Variants in IQUB observed in about 807,000 individuals in gnomAD.
IQUB encodes IQ motif and ubiquitin-like domain-containing protein.
In IQUB, 86 loss-of-function variants were observed where a neutral mutation model predicts 86.4. That is an observed-to-expected ratio of 1.00 (90% CI 0.84 to 1.19). The LOEUF (loss-of-function observed/expected upper bound fraction) is 1.19. IQUB is among the 50% of genes most tolerant of loss of function. IQUB has a pLI of 0.00. For missense variants in IQUB, 946 were observed against 916.9 expected (o/e 1.03, Z -0.41); for synonymous variants, 289 against 304.5 (o/e 0.95, Z 0.53).
chr7:123,484,931 T>C (rs925385818), intron 7 of IQUB, among the ~76,000 whole-genome samples: 6 of 151,964 alleles, frequency 3.9e-5, no homozygotes, highest in Non-Finnish European at 7.4e-5. Context: ...TAACAAAGAA[T>C]AGAAAAACAG....
rs145053779 is a variant in IQUB, at chr7:123,491,003, C to T, written c.1234+5693G>A. 2.8e-3 allele frequency among the ~76,000 whole-genome samples: 421 copies of T among 151,290 alleles called. 2 individuals carry two copies. Among genetic ancestry groups the T allele is most frequent in the African/African-American group, 9.6e-3 (397 of 41,358 alleles). On this transcript the variant is annotated intron_variant, in intron 7 of 12. Coordinates refer to ENST00000324698, the MANE Select transcript of IQUB (RefSeq NM_178827.5). ...AACAAACAAACCTCAAACCTCAAAC[C>T]TCAAATTATACAAAATTACATTCTC... is the stretch of plus-strand genomic sequence containing the variant.
chr7:123,457,766 C>T (rs776173048), intron 11 of IQUB, among the ~76,000 whole-genome samples, 200 bp from the exon 12 acceptor site: 50 of 151,926 alleles, frequency 3.3e-4, no homozygotes, highest in Non-Finnish European at 6.3e-4. Context: ...ACAGTTGCGT[C>T]CCCATCTCTA....
Position 123,503,214 on chromosome 7 carries a change from T to C in IQUB, c.682A>G (p.Thr228Ala), listed in dbSNP as rs1360055178. 2 of 1,611,494 alleles carry C rather than the reference T, an allele frequency of 1.2e-6. No homozygotes were observed. The highest frequency in any genetic ancestry group is 1.3e-5 in the African/African-American group (1 of 74,904). The change falls in exon 4 of 13, where the codon ACT (threonine) becomes GCT (alanine). Residue 228 changes from threonine to alanine, a missense_variant. Thr to Ala is a moderately conservative substitution (Grantham distance 58, BLOSUM62 0). Coordinates refer to ENST00000324698, the MANE Select transcript of IQUB (RefSeq NM_178827.5). ...LTDVSQIITV[T>A]VQTGLDQYQQ... ...TCAAATAACGAACCAGTTTGGACAG[T>C]GACAGTTATGATTTGAGAGACATCA...
intron 1 of IQUB, among the ~76,000 whole-genome samples, chr7:123,518,973 A>G (rs1796779929): frequency 6.7e-6 from 1 of 148,406 alleles, no homozygotes; most frequent in Non-Finnish European, 1.5e-5. Flanking sequence ...CATACCTCAA[A>G]TACCCCCTAA....
chr7:123,481,183 C>T (rs559593752), intron 7 of IQUB, among the ~76,000 whole-genome samples: 11 of 152,168 alleles, frequency 7.2e-5, no homozygotes, highest in Admixed American at 1.3e-4. Flanking sequence ...GGCAACACGG[C>T]GTCAGTTTGT....
chr7:123,505,955 C>A (rs1423431783), intron 3 of IQUB, among the ~76,000 whole-genome samples: 1 of 152,126 alleles, frequency 6.6e-6, no homozygotes, highest in Non-Finnish European at 1.5e-5. Context: ...CACATATGAC[C>A]ATATACTGTT....
In IQUB at chr7:123,523,816, G is replaced by C. The variant is rs896360857; in HGVS notation, c.-5+10676C>G. 6.2e-3 allele frequency among the ~76,000 whole-genome samples: 940 copies of C among 152,138 alleles called. 8 individuals are homozygous for C. Among genetic ancestry groups the C allele is most frequent in the African/African-American group, 0.021 (871 of 41,502 alleles). ...TGAATGGTAATGCCTAGGTTTTCTT[G>C]TAGGGTTTTTATGGTTTTAGGTCTA... is the stretch of plus-strand genomic sequence containing the variant. On this transcript the variant is annotated intron_variant, in intron 1 of 12. Coordinates refer to ENST00000324698, the MANE Select transcript of IQUB (RefSeq NM_178827.5).
At chr7:123,460,542 C>A (rs2116961815) in intron 11 of IQUB, among the ~76,000 whole-genome samples, 1 of 151,772 alleles carries the variant, frequency 6.6e-6, no homozygotes, top group Admixed American at 6.6e-5. Flanking sequence ...AGTCTGTGAA[C>A]ACAAATATCA....
chr7:123,526,776 G>A (rs1172968152), intron 1 of IQUB, among the ~76,000 whole-genome samples: 4 of 151,720 alleles, frequency 2.6e-5, no homozygotes, highest in Non-Finnish European at 2.9e-5. Context: ...ATTAGTTGAT[G>A]CAGTTTCTTC....
chr7:123,524,620 T>C (rs1388761676), intron 1 of IQUB, among the ~76,000 whole-genome samples: 3 of 151,118 alleles, frequency 2.0e-5, no homozygotes, highest in African/African-American at 4.9e-5. Context: ...TGGGGTTTTC[T>C]AGATATACAA....
At position 123,516,553 on chromosome 7, in the gene IQUB, A is replaced by T. The variant is rs572123329; in HGVS notation, c.-4-4209T>A. Among the ~76,000 whole-genome samples the T allele has an allele frequency of 2.0e-5, 3 of 152,268 alleles. No individual in the cohort carries two copies. In the South Asian group the frequency reaches 6.2e-4, roughly 32 times the overall value. On this transcript the variant is annotated intron_variant, in intron 1 of 12. Coordinates refer to ENST00000324698, the MANE Select transcript of IQUB (RefSeq NM_178827.5). ...TGACAGAAGTCACACTCCAAGATTT[A>T]TTAAGTGAGAAAAAGAAAGAAGGTG... is the stretch of plus-strand genomic sequence containing the variant.
Position 123,452,735 on chromosome 7 carries a change from T to C in IQUB, c.*8A>G, listed in dbSNP as rs1394666283. The stretch of plus-strand genomic sequence containing the variant: ...ATGCCGATCATCAAACAAATACTCC[T>C]GGATCACCTAATGAGGAGGCCTCTG... On this transcript the variant is annotated 3_prime_UTR_variant, in exon 13 of 13. Transcript: ENST00000324698. 1 of 1,604,196 alleles carries C rather than the reference T, an allele frequency of 6.2e-7. No individual in the cohort carries two copies. Among genetic ancestry groups the C allele is most frequent in the Non-Finnish European group, 8.5e-7 (1 of 1,173,062 alleles).
chr7:123,507,732 G>A (rs976330745), intron 3 of IQUB, among the ~76,000 whole-genome samples: 3 of 151,994 alleles, frequency 2.0e-5, no homozygotes, highest in Non-Finnish European at 4.4e-5. Flanking sequence ...AATTAGCCGG[G>A]TGTGGTGGCA....
intron 8 of IQUB, among the ~76,000 whole-genome samples, chr7:123,477,688 C>T (rs914630277): frequency 1.3e-5 from 2 of 152,044 alleles, no homozygotes; most frequent in Admixed American, 1.3e-4. Context: ...TTGCAATCTA[C>T]CCATCTGACA....
intron 3 of IQUB, 66 bp downstream of exon 3, chr7:123,509,835 G>T: frequency 7.4e-7 from 1 of 1,346,220 alleles, no homozygotes; most frequent in Non-Finnish European, 1.0e-6. Flanking sequence ...TAAAATCAAA[G>T]ATCTTGATTG....
At chr7:123,484,895 A>C (rs1290221781) in intron 7 of IQUB, among the ~76,000 whole-genome samples, 1 of 152,106 alleles carries the variant, frequency 6.6e-6, no homozygotes, top group Non-Finnish European at 1.5e-5. Context: ...GACATATGTC[A>C]GTAAAAAGCA....
intron 1 of IQUB, among the ~76,000 whole-genome samples, chr7:123,521,766 C>G (rs1290553284): frequency 1.3e-5 from 2 of 151,796 alleles, no homozygotes; most frequent in Non-Finnish European, 2.9e-5. Flanking sequence ...ATATGAATGA[C>G]CCAAATAACT....
In IQUB at chr7:123,531,771, G is replaced by A. The variant is rs563534987; in HGVS notation, c.-5+2721C>T. 4.7e-4 allele frequency among the ~76,000 whole-genome samples: 71 copies of A among 152,138 alleles called. 1 individual carries two copies. Among genetic ancestry groups the A allele is most frequent in the African/African-American group, 1.7e-3 (70 of 41,500 alleles). ...TATTATCAGTAAGTACAGATTCAACGGCAAGATTTCATTAAGAAAGTGTTT... is the reference window on the plus strand; with the variant it reads ...TATTATCAGTAAGTACAGATTCAACAGCAAGATTTCATTAAGAAAGTGTTT... On this transcript the variant is annotated intron_variant, in intron 1 of 12. Coordinates refer to ENST00000324698, the MANE Select transcript of IQUB (RefSeq NM_178827.5).
intron 7 of IQUB, among the ~76,000 whole-genome samples, chr7:123,483,442 A>T (rs941421021): frequency 2.6e-5 from 4 of 151,956 alleles, no homozygotes; most frequent in African/African-American, 9.7e-5. Flanking sequence ...AATCAAACCA[A>T]TTTTTTCTCT....
Sources: gnomAD v4.1 joint callset for allele counts (sites outside exome capture counted in the v4.1 genomes callset) on GRCh38, gnomAD v4.1.1 for gene constraint, MANE v1.5 for transcripts, NCBI Gene and HGNC (gene_info 2026-07-23, HGNC 2026-07-21) for gene names.